ARFGEF3: variants seen among roughly 807,000 people sequenced by gnomAD.
ARFGEF3 encodes brefeldin A-inhibited guanine nucleotide-exchange protein 3.
In ARFGEF3, 96 loss-of-function variants were observed where a neutral mutation model predicts 221.7. That is an observed-to-expected ratio of 0.43 (90% CI 0.37 to 0.51). The LOEUF (loss-of-function observed/expected upper bound fraction) is 0.51. ARFGEF3 is among the 20% of genes least tolerant of loss of function. The pLI is 0.00. For missense variants in ARFGEF3, 2,410 were observed against 2,789.9 expected, an observed-to-expected ratio of 0.86 and a Z score of 3.07; for synonymous variants, 1,145 against 1,126.8, an observed-to-expected ratio of 1.02 and a Z score of -0.32.
chr6:138,323,385 G>A (rs1401478679), intron 29 of ARFGEF3, among the ~76,000 whole-genome samples: 1 of 152,156 alleles, frequency 6.6e-6, no homozygotes, highest in African/African-American at 2.4e-5. Context: ...GCCGAGGTGG[G>A]TAGATCACCT....
intron 2 of ARFGEF3, among the ~76,000 whole-genome samples, chr6:138,195,466 G>A (rs1216924742): frequency 6.6e-6 from 1 of 152,176 alleles, no homozygotes; most frequent in African/African-American, 2.4e-5. Context: ...TATGCTGTAT[G>A]TGTGTGCAAG....
At chr6:138,270,427 GACAC>G (rs3044804) in intron 12 of ARFGEF3, among the ~76,000 whole-genome samples, 1,894 of 139,464 alleles carry the variant, frequency 0.014, 30 homozygotes, top group African/African-American at 0.039. Context: ...ATTTTACGTA[GACAC>G]ACACACACAC....
chr6:138,220,562 G>C (rs1004991126), intron 4 of ARFGEF3, among the ~76,000 whole-genome samples: 2 of 152,152 alleles, frequency 1.3e-5, no homozygotes, highest in East Asian at 3.8e-4. Context: ...AATGCATCCT[G>C]CATTCTACTG....
intron 3 of ARFGEF3, among the ~76,000 whole-genome samples, chr6:138,208,852 T>G (rs975472153): frequency 2.6e-5 from 4 of 152,112 alleles, no homozygotes; most frequent in African/African-American, 9.7e-5. Context: ...GAGAGAACAT[T>G]TGGAGGAGCC....
chr6:138,163,797 G>C (rs1049653754), intron 1 of ARFGEF3, among the ~76,000 whole-genome samples: 5 of 152,164 alleles, frequency 3.3e-5, no homozygotes, highest in African/African-American at 1.2e-4. Flanking sequence ...TCTGTCATTA[G>C]CAAGACAAGA....
intron 2 of ARFGEF3, among the ~76,000 whole-genome samples, chr6:138,190,835 G>A (rs774720472): frequency 6.6e-6 from 1 of 152,192 alleles, no homozygotes; most frequent in Non-Finnish European, 1.5e-5. Context: ...AGGGATGCTG[G>A]TGCTTGTTTC....
chr6:138,164,018 AG>A (rs1239770049), intron 1 of ARFGEF3, among the ~76,000 whole-genome samples: 1 of 152,216 alleles, frequency 6.6e-6, no homozygotes, highest in Non-Finnish European at 1.5e-5. Flanking sequence ...TTCTTTATTT[AG>A]GAAACATTTA....
intron 23 of ARFGEF3, 55 bp from the exon 24 acceptor site, chr6:138,308,684 C>A: frequency 1.2e-6 from 2 of 1,603,910 alleles, no homozygotes; most frequent in Non-Finnish European, 1.7e-6. Flanking sequence ...GCAACCCTGG[C>A]AAACCCGAGG....
intron 2 of ARFGEF3, among the ~76,000 whole-genome samples, chr6:138,181,436 CTTTTT>C (rs1777077606): frequency 6.6e-6 from 1 of 151,978 alleles, no homozygotes; most frequent in Admixed American, 6.6e-5. Flanking sequence ...TTCTTCATTC[CTTTTT>C]GTTTTGTTTT....
chr6:138,281,185 A>G (rs1779189865), intron 14 of ARFGEF3, among the ~76,000 whole-genome samples: 1 of 152,196 alleles, frequency 6.6e-6, no homozygotes, highest in Non-Finnish European at 1.5e-5. Context: ...TTAGACAGGC[A>G]AGCAGGGGCT....
At chr6:138,207,790 G>T (rs1212077478) in intron 3 of ARFGEF3, among the ~76,000 whole-genome samples, 1 of 152,180 alleles carries the variant, frequency 6.6e-6, no homozygotes, top group Admixed American at 6.5e-5. Context: ...AGTTTGTTCA[G>T]TGTGGCGATG....
chr6:138,317,126 A>G (rs1779939010), intron 26 of ARFGEF3, 125 bp from the exon 27 acceptor site: 1 of 970,898 alleles, frequency 1.0e-6, no homozygotes, highest in Non-Finnish European at 1.5e-6. Context: ...AAGGCTAACA[A>G]CACTGGGTGA....
At chr6:138,257,499 C>G (rs1270628294) in intron 10 of ARFGEF3, among the ~76,000 whole-genome samples, 6 of 152,134 alleles carry the variant, frequency 3.9e-5, no homozygotes, top group Admixed American at 6.5e-5. Context: ...AGTGTGATGC[C>G]AAAGGAAAAG....
intron 2 of ARFGEF3, among the ~76,000 whole-genome samples, chr6:138,201,688 T>C (rs1011199414): frequency 6.6e-6 from 1 of 151,562 alleles, no homozygotes; most frequent in Admixed American, 6.6e-5. Flanking sequence ...TGGAAGGGGG[T>C]CGAGGGATAA....
intron 2 of ARFGEF3, among the ~76,000 whole-genome samples, chr6:138,189,861 C>T (rs1360421817): frequency 6.6e-6 from 1 of 152,074 alleles, no homozygotes; most frequent in East Asian, 1.9e-4. Context: ...GGGAGGATCG[C>T]TTGAGCCCAG....
In ARFGEF3 at chr6:138,286,048, T is replaced by C. The variant is rs763033125; in HGVS notation, c.2564T>C (p.Val855Ala). 2 of 1,582,930 alleles carry C rather than the reference T, an allele frequency of 1.3e-6. No individual in the cohort carries two copies. Among genetic ancestry groups the C allele is most frequent in the South Asian group, 2.2e-5 (2 of 90,664 alleles). ...AGCAGGAGAATTGATGACTCCACAG[T>C]GGCAGGTAATGACTTGGGTCTTGAG... Reference protein sequence around the residue: ...AQSRRIDDSTVAGVAFARYIL... With the variant: ...AQSRRIDDSTAAGVAFARYIL... The change falls in exon 15 of 34, where the codon GTG becomes GCG. Residue 855 changes from valine (V) to alanine (A), a missense_variant. By Grantham distance (64) the Val-to-Ala change is moderately conservative. Transcript: ENST00000251691.
chr6:138,342,500 T>C lies in ARFGEF3; in HGVS notation c.*6014T>C, dbSNP rs774915419. On this transcript the variant is annotated 3_prime_UTR_variant, in exon 34 of 34. Coordinates refer to ENST00000251691, the MANE Select transcript of ARFGEF3 (RefSeq NM_020340.5). ...TTTTTACAAGCTAGAAGACAATGAA[T>C]GTATAAGTTCTATGGAACAGTGAGA... 1.6e-4 allele frequency: 24 copies of C among 152,232 alleles called. No individual in the cohort carries two copies. The highest frequency in any genetic ancestry group is 2.6e-4 in the Non-Finnish European group (18 of 68,030). The allele number at this position is 152,232 out of a possible 1,614,324, so 9.4% of individuals were successfully genotyped here. A position where few individuals can be genotyped will look rare whatever the true frequency, so the allele number is the denominator to read the frequency against.
intron 8 of ARFGEF3, among the ~76,000 whole-genome samples, chr6:138,253,575 A>G (rs1288563300): frequency 6.6e-6 from 1 of 152,164 alleles, no homozygotes; most frequent in Non-Finnish European, 1.5e-5. Context: ...CTCTGTGTCC[A>G]AATTTCCATT....
At chr6:138,299,115 T>A (rs570150651) in intron 22 of ARFGEF3, among the ~76,000 whole-genome samples, 42 of 145,138 alleles carry the variant, frequency 2.9e-4, no homozygotes, top group African/African-American at 1.0e-3. Flanking sequence ...GGAGAATCGC[T>A]TGAACCAGGG....
Sources: gnomAD v4.1 joint callset for allele counts (sites outside exome capture counted in the v4.1 genomes callset) on GRCh38, gnomAD v4.1.1 for gene constraint, MANE v1.5 for transcripts, NCBI Gene and HGNC (gene_info 2026-07-23, HGNC 2026-07-21) for gene names.